Variants in DRC11L observed in about 807,000 individuals in gnomAD.
DRC11L encodes the protein dynein regulatory complex subunit 11 like.
chr7:151,194,901 A>G, the DRC11L span, among the ~76,000 whole-genome samples: 1 of 152,242 alleles, frequency 6.6e-6, no homozygotes, highest in Admixed American at 6.5e-5. Flanking sequence ...AAGGTCCACC[A>G]TTAGAAATCC....
At chr7:151,195,508 G>A in the DRC11L span, 1 of 399,742 alleles carries the variant, frequency 2.5e-6, no homozygotes, top group East Asian at 3.6e-5. Context: ...GAGTGCGTAG[G>A]TCACTGTGCC....
At chr7:151,201,904 C>T in the DRC11L span, among the ~76,000 whole-genome samples, 1 of 152,150 alleles carries the variant, frequency 6.6e-6, no homozygotes, top group African/African-American at 2.4e-5. The surrounding 1 kb of genome is among the most constrained non-coding windows in gnomAD (Gnocchi z 4.1). Context: ...AGCTGTTAAC[C>T]ACTACTACCA....
chr7:151,204,447 A>G, the DRC11L span: 1 of 231,944 alleles, frequency 4.3e-6, no homozygotes, highest in Non-Finnish European at 8.1e-6. Flanking sequence ...GGCCGGTCCC[A>G]CCCCACCTCT....
the DRC11L span, chr7:151,200,328 T>G: frequency 7.3e-5 from 29 of 399,310 alleles, no homozygotes; most frequent in African/African-American, 5.7e-4. Flanking sequence ...GTGGGGGCCC[T>G]GCCCTGGCCA....
the DRC11L span, chr7:151,194,205 C>T: frequency 2.5e-6 from 1 of 398,394 alleles, no homozygotes; most frequent in Non-Finnish European, 4.4e-6. Flanking sequence ...AGCCCTCACC[C>T]CAAGGGCTGC....
the DRC11L span, chr7:151,197,199 T>C: frequency 0.021 from 8,196 of 399,216 alleles, 485 homozygotes; most frequent in African/African-American, 0.14. Context: ...CCGAGAGGTA[T>C]CTTACCCCCT....
chr7:151,194,294 A>G, the DRC11L span: 3 of 399,092 alleles, frequency 7.5e-6, no homozygotes, highest in African/African-American at 2.1e-5. Flanking sequence ...ATTCTGTCGT[A>G]TGTCAAACAG....
At chr7:151,195,751 G>A in the DRC11L span, 2 of 398,088 alleles carry the variant, frequency 5.0e-6, no homozygotes, top group Admixed American at 4.4e-5. Context: ...AGGAGGGGAG[G>A]AGCCTTACAG....
At chr7:151,199,324 C>G in the DRC11L span, among the ~76,000 whole-genome samples, 2 of 152,056 alleles carry the variant, frequency 1.3e-5, no homozygotes, top group Non-Finnish European at 2.9e-5. This position sits in a 1 kb window ranked among gnomAD's most constrained non-coding sequence, Gnocchi z 5.2. Flanking sequence ...CACCCCCGCC[C>G]CGCGGCCGAG....
chr7:151,192,702 C>T, the DRC11L span: 10 of 399,098 alleles, frequency 2.5e-5, no homozygotes, highest in African/African-American at 1.0e-4. Context: ...CCCCAGCTCA[C>T]GCTACCTGCC....
the DRC11L span, chr7:151,191,583 G>A: frequency 5.0e-6 from 2 of 398,830 alleles, no homozygotes; most frequent in African/African-American, 4.1e-5. Flanking sequence ...GTGCTTCAGG[G>A]GGCTGACTCC....
At chr7:151,205,044 C>T in the DRC11L span, among the ~76,000 whole-genome samples, 19 of 152,134 alleles carry the variant, frequency 1.2e-4, no homozygotes, top group African/African-American at 4.6e-4. Context: ...GATTGGGCTC[C>T]GCTGTAGGAT....
At chr7:151,197,848 T>C in the DRC11L span, 2 of 399,240 alleles carry the variant, frequency 5.0e-6, no homozygotes, top group East Asian at 7.1e-5. Context: ...TCTGCAAAGA[T>C]TGAGTAGGAT....
the DRC11L span, chr7:151,204,509 T>C: frequency 1.0e-5 from 4 of 398,710 alleles, no homozygotes; most frequent in Non-Finnish European, 1.8e-5. Context: ...GCACACGTAC[T>C]GGGGTGAGCT....
At chr7:151,194,407 G>A in the DRC11L span, 40 of 399,010 alleles carry the variant, frequency 1.0e-4, no homozygotes, top group East Asian at 1.4e-3. Context: ...CACTCTCCGA[G>A]TGGCAATCAG....
the DRC11L span, chr7:151,193,052 A>T: frequency 2.5e-6 from 1 of 397,304 alleles, no homozygotes; most frequent in South Asian, 1.4e-4. Flanking sequence ...GGAGCTGCAT[A>T]TTCAGTCTCA....
the DRC11L span, chr7:151,192,208 A>G: frequency 2.5e-6 from 1 of 397,880 alleles, no homozygotes; most frequent in South Asian, 1.3e-4. Context: ...CGCAGCAGCA[A>G]TGGGGTATGG....
the DRC11L span, chr7:151,200,474 GAC>G: frequency 2.5e-6 from 1 of 398,882 alleles, no homozygotes; most frequent in Non-Finnish European, 4.4e-6. Context: ...GGATGTAGGG[GAC>G]ACACAGGACA....
At chr7:151,192,339 C>A in the DRC11L span, 1 of 399,178 alleles carries the variant, frequency 2.5e-6, no homozygotes, top group Non-Finnish European at 4.4e-6. Context: ...CGGCACAGAC[C>A]CCGCATCTCG....
Sources: allele counts gnomAD v4.1 joint callset (sites outside exome capture counted in the v4.1 genomes callset), GRCh38; gene constraint gnomAD v4.1.1; non-coding constraint Gnocchi (gnomAD v3.1); transcripts MANE v1.5; gene names NCBI Gene and HGNC (gene_info 2026-07-23, HGNC 2026-07-21).